Variants in CRACDL observed in about 807,000 individuals in gnomAD.
CRACDL encodes the protein CRACD like.
CRACDL carries 26 observed loss-of-function variants against 70.6 expected under a neutral mutation model. That is an observed-to-expected ratio of 0.37 (90% CI 0.27 to 0.51). The LOEUF is 0.51. Among genes scored for constraint, CRACDL ranks in the 20% least tolerant of loss-of-function variants. CRACDL has a pLI of 0.94. For missense variants in CRACDL, 1,283 were observed against 1,376.9 expected (o/e 0.93, Z 1.08); for synonymous variants, 618 against 615.2 (o/e 1.00, Z -0.07).
At chr2:98,889,992 T>C (rs949594599) in intron 1 of CRACDL, among the ~76,000 whole-genome samples, 16 of 152,180 alleles carry the variant, frequency 1.1e-4, no homozygotes, top group African/African-American at 3.9e-4. Context: ...CCAATATTTA[T>C]GGTATGCAGT....
rs58312556 is a variant in CRACDL, at chr2:98,918,539, CAAAAAAAAAAAAAAAA to C, written c.-11+17383_-11+17398del. Among the ~76,000 whole-genome samples, 31 of 66,358 alleles carry C rather than the reference CAAAAAAAAAAAAAAAA, an allele frequency of 4.7e-4. 1 individual carries two copies. The highest frequency in any genetic ancestry group is 1.6e-3 in the African/African-American group (29 of 18,568). The allele number at this position is 66,358 out of a possible 152,430, so 43.5% of individuals were successfully genotyped here. On this transcript the variant is annotated intron_variant, in intron 1 of 9. Transcript: ENST00000397899. ...GGCGACAGAGCAAGATGTTGTCTAC[CAAAAAAAAAAAAAAAA>C]AAAAAAAAAAAGAGTTCCCTTTTCT...
At chr2:98,890,669 A>G (rs1322380893) in intron 1 of CRACDL, among the ~76,000 whole-genome samples, 3 of 152,210 alleles carry the variant, frequency 2.0e-5, no homozygotes, top group Non-Finnish European at 2.9e-5. Flanking sequence ...TTTACATTAT[A>G]TATACCAGTT....
At chr2:98,837,206 G>GAAA (rs34735420) in intron 3 of CRACDL, among the ~76,000 whole-genome samples, 6 of 113,832 alleles carry the variant, frequency 5.3e-5, no homozygotes, top group South Asian at 5.9e-4. Context: ...ACCCAAAACT[G>GAAA]AAAAAAAAAA....
chr2:98,932,256 G>A (rs978836287), intron 1 of CRACDL, among the ~76,000 whole-genome samples: 2 of 152,116 alleles, frequency 1.3e-5, no homozygotes, highest in South Asian at 2.1e-4. Flanking sequence ...AGGCCGGGCC[G>A]GCCTGTCTCC....
chr2:98,842,090 T>A (rs1706053823), intron 2 of CRACDL, among the ~76,000 whole-genome samples: 1 of 152,074 alleles, frequency 6.6e-6, no homozygotes, highest in Non-Finnish European at 1.5e-5. Context: ...TGGGTCATCT[T>A]TTTGATAAAA....
rs1164286135 is a variant in CRACDL at position 98,832,868 on chromosome 2, A to G, written c.369T>C (p.Ala123=). 6.2e-7 allele frequency: 1 copy of G among 1,613,920 alleles called. No individual in the cohort carries two copies. The highest frequency in any genetic ancestry group is 8.5e-7 in the Non-Finnish European group (1 of 1,180,006). Residue 123 remains alanine, a synonymous_variant, in exon 4 of 10, where the codon GCT becomes GCC. Coordinates refer to ENST00000397899, the MANE Select transcript of CRACDL (RefSeq NM_207362.3). ...TGACCAAGGAAACATTTACCTGCAG[A>G]GCTTTAATCCGATCACACACATTTT... The part of the protein sequence containing the change: ...SQENVCDRIK[A]LQLKIQCNVK...
intron 5 of CRACDL, among the ~76,000 whole-genome samples, chr2:98,829,769 G>A (rs550106914): frequency 2.7e-4 from 41 of 152,304 alleles, no homozygotes; most frequent in African/African-American, 9.6e-4. Flanking sequence ...CAAAAAGAGG[G>A]GCTCAGCCGC....
At chr2:98,932,932 C>G (rs1709115415) in intron 1 of CRACDL, among the ~76,000 whole-genome samples, 2 of 152,304 alleles carry the variant, frequency 1.3e-5, no homozygotes, top group South Asian at 4.1e-4. Flanking sequence ...GCACTGAGCA[C>G]CTACCGCTGT....
chr2:98,828,496 G>A (rs1042796272), intron 5 of CRACDL, among the ~76,000 whole-genome samples: 13 of 152,158 alleles, frequency 8.5e-5, no homozygotes, highest in Admixed American at 6.5e-4. Flanking sequence ...GGGCACATCC[G>A]CTGTTTCTTT....
At chr2:98,904,073 G>A (rs575616034) in intron 1 of CRACDL, among the ~76,000 whole-genome samples, 4 of 152,280 alleles carry the variant, frequency 2.6e-5, no homozygotes, top group African/African-American at 7.2e-5. Context: ...TGGAGTTCCC[G>A]TCAGCCTCAA....
chr2:98,901,320 G>A (rs1296806185), intron 1 of CRACDL, among the ~76,000 whole-genome samples: 1 of 152,132 alleles, frequency 6.6e-6, no homozygotes, highest in Non-Finnish European at 1.5e-5. Context: ...TGACACAATA[G>A]GACCTCTGGT....
intron 1 of CRACDL, among the ~76,000 whole-genome samples, chr2:98,861,968 G>C (rs1706953604): frequency 6.6e-6 from 1 of 152,208 alleles, no homozygotes; most frequent in Non-Finnish European, 1.5e-5. Context: ...TGCAGACAAA[G>C]AGGTGGCAGC....
chr2:98,815,413 C>T (rs1472854002), intron 7 of CRACDL, among the ~76,000 whole-genome samples: 1 of 152,196 alleles, frequency 6.6e-6, no homozygotes, highest in African/African-American at 2.4e-5. Flanking sequence ...CAGATGTCTC[C>T]TTTCTGTAAT....
chr2:98,898,151 G>T (rs759399429), intron 1 of CRACDL, among the ~76,000 whole-genome samples: 6 of 152,234 alleles, frequency 3.9e-5, no homozygotes, highest in African/African-American at 1.2e-4. Flanking sequence ...GATGAAATCC[G>T]CTGAAGGAAA....
chr2:98,901,701 G>A (rs898002566), intron 1 of CRACDL, among the ~76,000 whole-genome samples: 6 of 152,156 alleles, frequency 3.9e-5, no homozygotes, highest in African/African-American at 1.4e-4. Context: ...TCTGGGATAG[G>A]GCCTCTTTGT....
chr2:98,821,839 C>T lies in CRACDL; in HGVS notation c.2416+18G>A. 5.0e-6 allele frequency: 8 copies of T among 1,605,974 alleles called. No homozygotes were observed. Among genetic ancestry groups the T allele is most frequent in the Non-Finnish European group, 6.8e-6 (8 of 1,178,416 alleles). ...CTCCCCAGGCCCTGCCCTTCCCGCACCCTCGGCGGGCTCTTACCAGCTCCC... is the reference window on the plus strand; with the variant it reads ...CTCCCCAGGCCCTGCCCTTCCCGCATCCTCGGCGGGCTCTTACCAGCTCCC... On this transcript the variant is annotated intron_variant, in intron 7 of 9. Transcript: ENST00000397899.
chr2:98,802,322 G>C (rs747485541), intron 7 of CRACDL, among the ~76,000 whole-genome samples: 1 of 152,246 alleles, frequency 6.6e-6, no homozygotes, highest in Non-Finnish European at 1.5e-5. Context: ...GTGTTACAGC[G>C]AGCCTGGCCA....
intron 1 of CRACDL, among the ~76,000 whole-genome samples, chr2:98,901,357 C>A (rs756183700): frequency 1.3e-5 from 2 of 152,228 alleles, no homozygotes; most frequent in Admixed American, 6.5e-5. Context: ...ATCTGCCCAA[C>A]ACAGTGCTTG....
At chr2:98,795,073 A>ATTTTTTTTTT (rs1468056572) in intron 9 of CRACDL, among the ~76,000 whole-genome samples, 462 of 20,038 alleles carry the variant, frequency 0.023, 35 homozygotes, top group South Asian at 0.048. Context: ...ATATATATAT[A>ATTTTTTTTTT]TATATTTTTT....
Sources: gnomAD v4.1 joint callset for allele counts (sites outside exome capture counted in the v4.1 genomes callset) on GRCh38, gnomAD v4.1.1 for gene constraint, MANE v1.5 for transcripts, NCBI Gene and HGNC (gene_info 2026-07-23, HGNC 2026-07-21) for gene names.